ANKAR: variants seen among roughly 807,000 people sequenced by gnomAD.
The protein encoded by ANKAR is ankyrin and armadillo repeat-containing protein.
In ANKAR, 136 loss-of-function variants were observed where a neutral mutation model predicts 146.2. The observed-to-expected ratio is 0.93, with a 90% confidence interval of 0.81 to 1.07. The LOEUF (loss-of-function observed/expected upper bound fraction) is 1.07. ANKAR is among the 50% of genes least tolerant of loss of function. The probability of loss-of-function intolerance (pLI) is 0.00; values close to 1 mark genes in which losing one functional copy is unlikely to be tolerated. For synonymous variants in ANKAR, 500 were observed against 575.8 expected, an observed-to-expected ratio of 0.87 and a Z score of 1.88; for missense variants, 1,567 against 1,679.9, an observed-to-expected ratio of 0.93 and a Z score of 1.18.
downstream of ANKAR, among the ~76,000 whole-genome samples, chr2:189,762,247 C>T (rs1046791003): frequency 7.9e-5 from 12 of 152,202 alleles, no homozygotes; most frequent in Admixed American, 3.3e-4. Context: ...CTTCCCAAAT[C>T]CTTTTCCCCC....
Position 189,696,310 on chromosome 2 carries a change from G to T in ANKAR, c.1649G>T (p.Cys550Phe). ...AALHNRVSIICQLCNANFKVN... is the reference protein window; with the variant it reads ...AALHNRVSIIFQLCNANFKVN... Reference sequence around the variant, plus strand: ...CTGCACAACAGAGTTTCTATTATATGTCAACTGTGCAATGCTAACTTCAAG... The same window carrying T: ...CTGCACAACAGAGTTTCTATTATATTTCAACTGTGCAATGCTAACTTCAAG... Residue 550 changes from cysteine (C) to phenylalanine (F), a missense_variant, in exon 7 of 23, where the codon TGT becomes TTT. Cys to Phe is a radical substitution (Grantham distance 205, BLOSUM62 -2). Transcript: ENST00000684021. 6.2e-7 allele frequency: 1 copy of T among 1,614,038 alleles called. No homozygotes were observed. The highest frequency in any genetic ancestry group is 8.5e-7 in the Non-Finnish European group (1 of 1,179,992).
chr2:189,690,449 T>C (rs2036215679), intron 3 of ANKAR, among the ~76,000 whole-genome samples: 1 of 152,198 alleles, frequency 6.6e-6, no homozygotes. Flanking sequence ...AGGGCAGTAT[T>C]GGCACTTTAA....
At chr2:189,728,209 G>C in intron 13 of ANKAR, 58 bp from the exon 14 acceptor site, 1 of 1,511,448 alleles carries the variant, frequency 6.6e-7, no homozygotes, top group Non-Finnish European at 8.9e-7. Flanking sequence ...TATAAAATAT[G>C]CATTCCTAAA....
At chr2:189,697,240 A>T (rs1230742035) in intron 7 of ANKAR, among the ~76,000 whole-genome samples, 1 of 151,998 alleles carries the variant, frequency 6.6e-6, no homozygotes, top group Non-Finnish European at 1.5e-5. Flanking sequence ...AATTAAAAAA[A>T]AAAAAAACTT....
At chr2:189,678,543 T>C (rs1034123846) in intron 2 of ANKAR, among the ~76,000 whole-genome samples, 11 of 152,238 alleles carry the variant, frequency 7.2e-5, no homozygotes, top group African/African-American at 2.7e-4. Flanking sequence ...GTCCGAGTTA[T>C]CTTCTACAAT....
At chr2:189,718,366 A>ACG (rs1346154997) in intron 10 of ANKAR, among the ~76,000 whole-genome samples, 63 of 4,112 alleles carry the variant, frequency 0.015, no homozygotes, top group East Asian at 0.1. Flanking sequence ...ACAGACACAC[A>ACG]CACACACACA....
intron 12 of ANKAR, among the ~76,000 whole-genome samples, chr2:189,722,054 A>G (rs2041309481): frequency 6.6e-6 from 1 of 152,148 alleles, no homozygotes; most frequent in Non-Finnish European, 1.5e-5. Flanking sequence ...CTTTAAGAAT[A>G]GCATCAGAGG....
In ANKAR at chr2:189,674,760, C is replaced by A. The variant is rs2105700085; in HGVS notation, c.-106C>A. ...GAGAAGCCATCTGAGGCGGCGACGA[C>A]TGTTCTCAGCCCCACGGGAACGCCG... On this transcript the variant is annotated 5_prime_UTR_variant, in exon 1 of 23. The change creates a new upstream start codon in the 5' untranslated region. Transcript: ENST00000684021. 1 of 152,456 alleles carries A rather than the reference C, an allele frequency of 6.6e-6. No individual in the cohort carries two copies. Among genetic ancestry groups the A allele is most frequent in the Middle Eastern group, 3.4e-3 (1 of 294 alleles). The allele number at this position is 152,456 out of a possible 1,614,324, so 9.4% of individuals were successfully genotyped here.
At chr2:189,753,883 G>C in intron 18 of ANKAR, 1 of 1,606,324 alleles carries the variant, frequency 6.2e-7, no homozygotes, top group Non-Finnish European at 8.5e-7. Flanking sequence ...ATTGCAAAGT[G>C]TAACTATTAC....
chr2:189,734,098 C>G (rs143676188), intron 17 of ANKAR, among the ~76,000 whole-genome samples: 2 of 152,180 alleles, frequency 1.3e-5, no homozygotes, highest in African/African-American at 4.8e-5. Context: ...GTCTTCTTCA[C>G]TCACCTTCCC....
intron 12 of ANKAR, among the ~76,000 whole-genome samples, chr2:189,724,355 C>A (rs933810960): frequency 6.6e-6 from 1 of 152,170 alleles, no homozygotes; most frequent in East Asian, 1.9e-4. Flanking sequence ...AGGATATGAT[C>A]CATGTTTCCA....
chr2:189,762,990 CA>C (rs374814420), downstream of ANKAR: 53 of 985,322 alleles, frequency 5.4e-5, no homozygotes, highest in African/African-American at 8.7e-4. Context: ...AGGCCGAATA[CA>C]GGTTTGTCTG....
intron 15 of ANKAR, 146 bp from the exon 16 acceptor site, chr2:189,730,349 A>G (rs1486306965): frequency 1.0e-5 from 4 of 397,286 alleles, no homozygotes; most frequent in African/African-American, 2.1e-5. Context: ...GGACTATTAA[A>G]ATAGTGTCAA....
At chr2:189,750,083 C>T (rs1047576951), downstream of ANKAR, among the ~76,000 whole-genome samples, 7 of 152,082 alleles carry the variant, frequency 4.6e-5, no homozygotes, top group African/African-American at 1.7e-4. Context: ...GCTGAGATCA[C>T]GCCACTGCAA....
intron 18 of ANKAR, chr2:189,754,932 T>C (rs994277945): frequency 2.0e-6 from 1 of 489,584 alleles, no homozygotes; most frequent in African/African-American, 2.0e-5. Flanking sequence ...CATAACTGTA[T>C]CTGCAAACTA....
intron 10 of ANKAR, among the ~76,000 whole-genome samples, chr2:189,714,948 A>C (rs796159726): frequency 1.0e-3 from 92 of 91,120 alleles, no homozygotes; most frequent in East Asian, 7.4e-3. Flanking sequence ...TCCATCTCAC[A>C]AAAAAAAAAA....
chr2:189,678,014 A>G (rs941594626), intron 2 of ANKAR, among the ~76,000 whole-genome samples: 1 of 152,184 alleles, frequency 6.6e-6, no homozygotes, highest in Non-Finnish European at 1.5e-5. Flanking sequence ...GAATCTCTAT[A>G]CTGTTTTCCA....
chr2:189,732,768 A>G (rs1242224301), intron 16 of ANKAR, among the ~76,000 whole-genome samples: 1 of 152,142 alleles, frequency 6.6e-6, no homozygotes, highest in South Asian at 2.1e-4. Flanking sequence ...TCAAAAAATT[A>G]AAAGAACTTT....
chr2:189,745,830 G>C (rs2044071596), intron 22 of ANKAR, among the ~76,000 whole-genome samples: 1 of 152,102 alleles, frequency 6.6e-6, no homozygotes, highest in Admixed American at 6.6e-5. Flanking sequence ...TATGTGGGGA[G>C]GCTATATAGA....
Sources: gnomAD v4.1 joint callset for allele counts (sites outside exome capture counted in the v4.1 genomes callset) on GRCh38, gnomAD v4.1.1 for gene constraint, MANE v1.5 for transcripts, NCBI Gene and HGNC (gene_info 2026-07-23, HGNC 2026-07-21) for gene names.